Variants in CNTN6 observed in about 807,000 individuals in gnomAD.
CNTN6 encodes contactin-6.
CNTN6 carries 137 observed loss-of-function variants against 122.8 expected under a neutral mutation model. The observed-to-expected ratio is 1.12, with a 90% CI of 0.97 to 1.29. The LOEUF (loss-of-function observed/expected upper bound fraction) is 1.29. Among genes scored for constraint, CNTN6 ranks in the 50% most tolerant of loss-of-function variants. The probability of loss-of-function intolerance (pLI) is 0.00; values close to 1 mark genes in which losing one functional copy is unlikely to be tolerated. For synonymous variants in CNTN6, 570 were observed against 426.0 expected (o/e 1.34, Z -4.16); for missense variants, 1,634 against 1,223.4 (o/e 1.34, Z -5.01).
chr3:1,373,468 G>T (rs143415843), intron 14 of CNTN6, 136 bp from the exon 15 acceptor site: 6 of 707,988 alleles, frequency 8.5e-6, no homozygotes, highest in South Asian at 2.4e-5. Context: ...GAACTTTATC[G>T]CTAATAATGT....
rs1692244540 is a variant in CNTN6, at chr3:1,383,396, G to A, written c.2505G>A (p.Val835=). The A allele has an allele frequency of 1.2e-6, 2 of 1,613,340 alleles. No homozygotes were observed. Among genetic ancestry groups the A allele is most frequent in the African/African-American group, 1.3e-5 (1 of 75,014 alleles). ...CCTGGAATAGAAACACTGGAAGAGT[G>A]CTGGGCTATGAGGTAATCCACATTA... The part of the protein sequence containing the change: ...AIAWNRNTGR[V]LGYEVLYWTD... Residue 835 remains valine, a synonymous_variant, in exon 19 of 23, where the codon GTG becomes GTA. Coordinates refer to ENST00000446702, the MANE Select transcript of CNTN6 (RefSeq NM_001289080.2).
chr3:1,287,412 A>G (rs527731630), intron 5 of CNTN6, among the ~76,000 whole-genome samples: 1 of 152,322 alleles, frequency 6.6e-6, no homozygotes, highest in South Asian at 2.1e-4. Context: ...AACCACTGGT[A>G]CAGCCCATCT....
At chr3:1,286,139 A>G (rs540436689) in intron 5 of CNTN6, among the ~76,000 whole-genome samples, 2 of 152,228 alleles carry the variant, frequency 1.3e-5, no homozygotes, top group East Asian at 3.9e-4. Flanking sequence ...ATTTTCCAAC[A>G]CTGGTACACT....
intron 5 of CNTN6, among the ~76,000 whole-genome samples, chr3:1,294,405 A>G (rs182570129): frequency 6.6e-6 from 1 of 152,292 alleles, no homozygotes; most frequent in East Asian, 1.9e-4. Flanking sequence ...ATAATCTATG[A>G]TGATAGAAAT....
At chr3:1,129,837 T>A (rs918189527) in intron 1 of CNTN6, among the ~76,000 whole-genome samples, 4 of 151,518 alleles carry the variant, frequency 2.6e-5, no homozygotes, top group African/African-American at 9.7e-5. Context: ...ACGTCTCAAG[T>A]CATGCTTTTG....
intron 4 of CNTN6, among the ~76,000 whole-genome samples, chr3:1,273,698 T>C (rs959551559): frequency 1.3e-5 from 2 of 152,252 alleles, no homozygotes; most frequent in Non-Finnish European, 2.9e-5. Context: ...CATTTTGGAA[T>C]GACTGTTTTG....
chr3:1,317,641 A>G (rs980287025), intron 7 of CNTN6, among the ~76,000 whole-genome samples: 9 of 151,756 alleles, frequency 5.9e-5, no homozygotes, highest in African/African-American at 2.2e-4. Flanking sequence ...CACTGTCTCA[A>G]AAAACCTCAG....
chr3:1,156,161 CT>C lies in CNTN6; in HGVS notation c.55+8100del, dbSNP rs1185383940. Among the ~76,000 whole-genome samples, 4 of 152,298 alleles carry C rather than the reference CT, an allele frequency of 2.6e-5. No individual in the cohort carries two copies. The East Asian group carries it at 5.8e-4, about 22-fold the overall frequency. On this transcript the variant is annotated intron_variant, in intron 2 of 22. Coordinates refer to ENST00000446702, the MANE Select transcript of CNTN6 (RefSeq NM_001289080.2). Reference sequence around the variant, plus strand: ...CTTTTTAAAAATCCCCAAGTCTCTCCTTATATCATTGTGATATTCTGCATTG... The same window carrying C: ...CTTTTTAAAAATCCCCAAGTCTCTCCTATATCATTGTGATATTCTGCATTG...
At chr3:1,328,834 A>G (rs1421362212) in intron 10 of CNTN6, among the ~76,000 whole-genome samples, 1 of 151,730 alleles carries the variant, frequency 6.6e-6, no homozygotes, top group African/African-American at 2.4e-5. Flanking sequence ...TCCAACATTC[A>G]TGAAGTTGGA....
At position 1,290,381 on chromosome 3, in the gene CNTN6, G is replaced by T. The variant is rs568459242; in HGVS notation, c.455-5220G>T. On this transcript the variant is annotated intron_variant, in intron 5 of 22. Transcript: ENST00000446702. ...CAGTGAGGAACATTTGTCTTAGAAT[G>T]TGAGTAAGGTTGGTTACTTGTGGAG... Among the ~76,000 whole-genome samples the T allele has an allele frequency of 2.0e-5, 3 of 152,276 alleles. No homozygotes were observed. The East Asian group carries it at 5.8e-4, about 29-fold the overall frequency.
chr3:1,246,625 T>G (rs966217067), intron 4 of CNTN6, among the ~76,000 whole-genome samples: 1 of 152,178 alleles, frequency 6.6e-6, no homozygotes. Context: ...TCTATAGTGA[T>G]TTTATTAATT....
At chr3:1,137,628 G>GA (rs1214943674) in intron 1 of CNTN6, among the ~76,000 whole-genome samples, 2 of 151,908 alleles carry the variant, frequency 1.3e-5, no homozygotes, top group South Asian at 2.1e-4. Flanking sequence ...GCATCTCATG[G>GA]AAAAAAACAT....
In CNTN6 at chr3:1,202,550, ATAAATAAATAAATAAAT is replaced by A. The variant is rs1394353683; in HGVS notation, c.56-18136_56-18120del. Among the ~76,000 whole-genome samples, 65 of 14,370 alleles carry A rather than the reference ATAAATAAATAAATAAAT, an allele frequency of 4.5e-3. No homozygotes were observed. In the East Asian group the frequency reaches 0.13, roughly 29 times the overall value. The allele number at this position is 14,370 out of a possible 152,430, so 9.4% of individuals were successfully genotyped here. A position where few individuals can be genotyped will look rare whatever the true frequency, so the allele number is the denominator to read the frequency against. ...AGCCAGACTCCGTCTCAAAAAATAA[ATAAATAAATAAATAAAT>A]AAATAAATAAATAAATAAATACAAA... On this transcript the variant is annotated intron_variant, in intron 2 of 22. Coordinates refer to ENST00000446702, the MANE Select transcript of CNTN6 (RefSeq NM_001289080.2).
intron 7 of CNTN6, among the ~76,000 whole-genome samples, chr3:1,310,096 A>G (rs943755667): frequency 2.3e-5 from 3 of 130,696 alleles, no homozygotes; most frequent in African/African-American, 1.3e-4. Flanking sequence ...TTTTCAATCT[A>G]TATACATTTT....
chr3:1,245,126 C>A (rs1362932383), intron 4 of CNTN6, among the ~76,000 whole-genome samples: 2 of 121,800 alleles, frequency 1.6e-5, no homozygotes, highest in African/African-American at 6.2e-5. Context: ...TATATTAGCA[C>A]AATTTGCAAT....
Position 1,377,082 on chromosome 3 carries a change from T to C in CNTN6, c.2166+7T>C. The C allele has an allele frequency of 6.3e-7, 1 of 1,587,236 alleles. No individual in the cohort carries two copies. The highest frequency in any genetic ancestry group is 1.1e-5 in the South Asian group (1 of 87,256). ...ACTCGTCATTACGTGGGAGGTAATT[T>C]TCTGTCCAACTGAGTTATTTTGAAG... On this transcript the variant is annotated splice_region_variant and intron_variant, in intron 17 of 22. Coordinates refer to ENST00000446702, the MANE Select transcript of CNTN6 (RefSeq NM_001289080.2).
intron 20 of CNTN6, among the ~76,000 whole-genome samples, chr3:1,399,905 G>A (rs1695466619): frequency 6.6e-6 from 1 of 152,110 alleles, no homozygotes; most frequent in South Asian, 2.1e-4. Flanking sequence ...TAAGCCTCAT[G>A]TAAGCATACA....
At chr3:1,243,726 G>T (rs911262469) in intron 4 of CNTN6, among the ~76,000 whole-genome samples, 1 of 152,164 alleles carries the variant, frequency 6.6e-6, no homozygotes, top group Non-Finnish European at 1.5e-5. Context: ...AAATTGCTCG[G>T]CAGGTGGGGA....
At chr3:1,387,834 G>A (rs139848114) in intron 20 of CNTN6, among the ~76,000 whole-genome samples, 106 of 151,984 alleles carry the variant, frequency 7.0e-4, no homozygotes, top group South Asian at 6.9e-3. Flanking sequence ...ACTCCCACCC[G>A]AATATTGCGC....
Sources: allele counts gnomAD v4.1 joint callset (sites outside exome capture counted in the v4.1 genomes callset), GRCh38; gene constraint gnomAD v4.1.1; transcripts MANE v1.5; gene names NCBI Gene and HGNC (gene_info 2026-07-23, HGNC 2026-07-21).